The following ATP2C1 variants were observed in gnomAD, a reference collection of about 807,000 sequenced individuals.
The protein encoded by ATP2C1 is ATPase secretory pathway Ca2+ transporting 1.
Under a neutral mutation model 120.5 loss-of-function variants are expected in ATP2C1, and 31 were observed. That is an observed-to-expected ratio of 0.26 (90% CI 0.19 to 0.35). The LOEUF is 0.35. ATP2C1 is among the 10% of genes least tolerant of loss of function. The pLI is 1.00. For synonymous variants in ATP2C1, 351 were observed against 358.7 expected, an observed-to-expected ratio of 0.98 and a Z score of 0.24; for missense variants, 731 against 1,107.5, an observed-to-expected ratio of 0.66 and a Z score of 4.83.
In ATP2C1 at chr3:130,980,739, A is replaced by G. The variant is rs1035496816; in HGVS notation, c.1839+60A>G. 2.9e-5 allele frequency: 35 copies of G among 1,214,018 alleles called. 1 individual carries two copies. The highest frequency in any genetic ancestry group is 1.9e-4 in the Middle Eastern group (1 of 5,264). The allele number at this position is 1,214,018 out of a possible 1,614,324, so 75.2% of individuals were successfully genotyped here. ...CCTTATTCTAAGTGTTACCATTTCT[A>G]CTACTATCTTAATGAAACTGTTTAA... is the stretch of plus-strand genomic sequence containing the variant. On this transcript the variant is annotated intron_variant, in intron 20 of 27. Coordinates refer to ENST00000510168, the MANE Select transcript of ATP2C1 (RefSeq NM_001378687.1).
intron 1 of ATP2C1, among the ~76,000 whole-genome samples, chr3:130,881,768 T>G (rs1324199511): frequency 6.6e-6 from 1 of 152,246 alleles, no homozygotes; most frequent in Admixed American, 6.5e-5. Context: ...TAGAGATGTT[T>G]CACTTCTTTG....
intron 2 of ATP2C1, among the ~76,000 whole-genome samples, chr3:130,904,145 A>G (rs1014067761): frequency 6.6e-5 from 10 of 152,044 alleles, no homozygotes; most frequent in Non-Finnish European, 1.5e-4. Flanking sequence ...AAAGGTATAA[A>G]AATAGTACAA....
intron 20 of ATP2C1, among the ~76,000 whole-genome samples, chr3:130,981,958 T>G (rs1005538219): frequency 1.3e-5 from 2 of 152,242 alleles, no homozygotes; most frequent in African/African-American, 4.8e-5. Flanking sequence ...CTTTATTAGA[T>G]ATTTGTTTGA....
intron 27 of ATP2C1, among the ~76,000 whole-genome samples, chr3:131,000,060 T>C (rs1178240567): frequency 2.0e-5 from 3 of 152,196 alleles, no homozygotes; most frequent in Non-Finnish European, 4.4e-5. Context: ...CATTATTCTT[T>C]CTTGTTTGTA....
chr3:130,963,855 T>C, intron 12 of ATP2C1, 116 bp from the exon 13 acceptor site: 1 of 1,241,606 alleles, frequency 8.1e-7, no homozygotes, highest in South Asian at 1.3e-5. Context: ...GTTTATTTTT[T>C]AGGTATTGAC....
chr3:131,002,411 C>A lies in ATP2C1; in HGVS notation c.*1061C>A. 1 of 985,432 alleles carries A rather than the reference C, an allele frequency of 1.0e-6. No individual in the cohort carries two copies. Among genetic ancestry groups the A allele is most frequent in the Non-Finnish European group, 1.2e-6 (1 of 829,936 alleles). The allele number at this position is 985,432 out of a possible 1,614,324, so 61.0% of individuals were successfully genotyped here. ...TGGAAGATTCTTTGCTGGTCTTGCT[C>A]TGTGTGCATCTGAAGCTTCTTTGGC... On this transcript the variant is annotated 3_prime_UTR_variant, in exon 28 of 28. Coordinates refer to ENST00000510168, the MANE Select transcript of ATP2C1 (RefSeq NM_001378687.1).
At chr3:130,980,263 T>G (rs900057361) in intron 19 of ATP2C1, among the ~76,000 whole-genome samples, 1 of 151,112 alleles carries the variant, frequency 6.6e-6, no homozygotes, top group Non-Finnish European at 1.5e-5. Context: ...TTTTTTTTTT[T>G]CCTGTAGAGA....
chr3:130,995,695 C>T lies in ATP2C1; in HGVS notation c.2058-348C>T, dbSNP rs530556601. Among the ~76,000 whole-genome samples the T allele has an allele frequency of 4.6e-5, 7 of 152,300 alleles. No homozygotes were observed. In the South Asian group the frequency reaches 8.3e-4, roughly 18 times the overall value. Reference sequence around the variant, plus strand: ...TCACTTTGTTGCCAAGGCTGGAGTGCAGTGGTGTGATCTTGGCTCACTGCA... The same window carrying T: ...TCACTTTGTTGCCAAGGCTGGAGTGTAGTGGTGTGATCTTGGCTCACTGCA... On this transcript the variant is annotated intron_variant, in intron 22 of 27. Transcript: ENST00000510168.
At chr3:130,919,484 G>A (rs755011204) in intron 2 of ATP2C1, among the ~76,000 whole-genome samples, 2 of 152,126 alleles carry the variant, frequency 1.3e-5, no homozygotes, top group African/African-American at 2.4e-5. Context: ...CTCCCAAAGT[G>A]CTAGGATTAC....
chr3:130,999,789 A>G (rs370058939), intron 27 of ATP2C1, 130 bp downstream of exon 27: 26 of 922,480 alleles, frequency 2.8e-5, no homozygotes, highest in Admixed American at 2.1e-4. Flanking sequence ...AAAGGAGTCT[A>G]TTTTTTCACT....
rs199765678 is a variant in ATP2C1, at chr3:130,994,089, A to G, written c.2048A>G (p.Gln683Arg). 4 of 1,614,132 alleles carry G rather than the reference A, an allele frequency of 2.5e-6. No individual in the cohort carries two copies. Among genetic ancestry groups the G allele is most frequent in the Non-Finnish European group, 1.7e-6 (2 of 1,179,990 alleles). ...ATGATCCTAGTGGATGATGATTTTC[A>G]AACCATAATGTAAGCTTTGTTTCAG... ...ADMILVDDDFQTIMSAIEEGK... is the reference protein window; with the variant it reads ...ADMILVDDDFRTIMSAIEEGK... The change falls in exon 22 of 28, where the codon CAA becomes CGA. Residue 683 changes from glutamine (Q) to arginine (R), a missense_variant. This residue lies in a region of ATP2C1 where 571 missense variants were observed against 845.9 expected (regional missense o/e 0.67). Transcript: ENST00000510168.
rs2060515767 is a variant in ATP2C1, at chr3:130,954,951, G to T, written c.688-61G>T. 11 of 1,112,092 alleles carry T rather than the reference G, an allele frequency of 9.9e-6. No homozygotes were observed. The Admixed American group carries it at 1.2e-4, about 12-fold the overall frequency. The allele number at this position is 1,112,092 out of a possible 1,614,324, so 68.9% of individuals were successfully genotyped here. On this transcript the variant is annotated intron_variant, in intron 9 of 27. Coordinates refer to ENST00000510168, the MANE Select transcript of ATP2C1 (RefSeq NM_001378687.1). ...TTTGAAAGTTGTTGGATGTGTGTGT[G>T]TATGTGTTTTGGTTTACATTTCATC...
chr3:130,967,293 C>CAGTG, intron 15 of ATP2C1, 37 bp from the exon 16 acceptor site: 1 of 1,611,038 alleles, frequency 6.2e-7, no homozygotes, highest in Non-Finnish European at 8.5e-7. Context: ...ACTTAAGACA[C>CAGTG]AGTGATAGGT....
chr3:131,012,889 T>C lies in ATP2C1; in HGVS notation c.2630-3263T>C, dbSNP rs116395008. ...TTGACACTGGCTGATGCTGGGCTTATTTCTCTAAGAGTATGGTAATTCTAG... is the reference window on the plus strand; with the variant it reads ...TTGACACTGGCTGATGCTGGGCTTACTTCTCTAAGAGTATGGTAATTCTAG... On this transcript the variant is annotated intron_variant, in intron 26 of 26. Coordinates refer to the ATP2C1 transcript ENST00000328560. Among the ~76,000 whole-genome samples the C allele has an allele frequency of 2.3e-3, 348 of 152,350 alleles. 1 individual carries two copies. The highest frequency in any genetic ancestry group is 3.7e-3 in the Non-Finnish European group (249 of 68,036).
chr3:130,896,470 A>G (rs763734861), intron 2 of ATP2C1, among the ~76,000 whole-genome samples: 1 of 152,104 alleles, frequency 6.6e-6, no homozygotes, highest in Non-Finnish European at 1.5e-5. Context: ...GTTTCTCCCT[A>G]TCGTCACATT....
chr3:130,871,229 G>C (rs1013526065), intron 1 of ATP2C1, among the ~76,000 whole-genome samples: 1 of 152,180 alleles, frequency 6.6e-6, no homozygotes, highest in African/African-American at 2.4e-5. Context: ...GCTTTATTGT[G>C]GTGGTCTCAA....
Position 130,941,222 on chromosome 3 carries a change from CAGTG to C in ATP2C1, c.423-368_423-365del, listed in dbSNP as rs1295149400. ...AGCCACCGCGCCCGGCTGTATTTAA[CAGTG>C]TGTGTGTGTGTGTGTGTGTGTGTGT... On this transcript the variant is annotated intron_variant, in intron 7 of 27. Transcript: ENST00000510168. 8.8e-3 allele frequency among the ~76,000 whole-genome samples: 924 copies of C among 105,190 alleles called. 10 individuals are homozygous for C. Among genetic ancestry groups the C allele is most frequent in the African/African-American group, 0.03 (872 of 29,212 alleles). The allele number at this position is 105,190 out of a possible 152,430, so 69.0% of individuals were successfully genotyped here. A position where few individuals can be genotyped will look rare whatever the true frequency, so the allele number is the denominator to read the frequency against.
chr3:130,956,626 C>T (rs1422586192), intron 11 of ATP2C1, among the ~76,000 whole-genome samples: 2 of 151,390 alleles, frequency 1.3e-5, no homozygotes, highest in Admixed American at 6.6e-5. Flanking sequence ...ATAAATACTT[C>T]TTTAGTGTGG....
intron 24 of ATP2C1, 24 bp from the exon 25 acceptor site, chr3:130,997,582 T>C: frequency 6.2e-7 from 1 of 1,610,060 alleles, no homozygotes; most frequent in Non-Finnish European, 8.5e-7. Context: ...TTGAAAGTAA[T>C]TTATTTTTCT....
Sources: allele counts gnomAD v4.1 joint callset (sites outside exome capture counted in the v4.1 genomes callset), GRCh38; gene constraint gnomAD v4.1.1; regional missense constraint gnomAD v4.1.1; transcripts MANE v1.5; gene names NCBI Gene and HGNC (gene_info 2026-07-23, HGNC 2026-07-21).